Variants in PDE2A observed in about 807,000 individuals in gnomAD.
PDE2A encodes cGMP-dependent 3',5'-cyclic phosphodiesterase.
In PDE2A, 53 loss-of-function variants were observed where a neutral mutation model predicts 133.6. The ratio of observed to expected loss-of-function variants is 0.40; its 90% CI spans 0.32 to 0.50. The LOEUF (loss-of-function observed/expected upper bound fraction) is 0.50, where lower values mean the gene tolerates loss of function less well. Ranked by LOEUF, PDE2A falls within the 20% of genes least tolerant of loss-of-function variation. PDE2A has a pLI of 0.73. For synonymous variants in PDE2A, 491 were observed against 490.2 expected (o/e 1.00, Z -0.02); for missense variants, 796 against 1,232.4 (o/e 0.65, Z 5.30).
chr11:72,614,382 C>T (rs1158342574), intron 2 of PDE2A, among the ~76,000 whole-genome samples: 3 of 152,290 alleles, frequency 2.0e-5, no homozygotes, highest in South Asian at 2.1e-4. Flanking sequence ...AGACCCAGAA[C>T]GCAGCTGAAC....
In PDE2A at chr11:72,596,575, G is replaced by T. The variant is rs371545730; in HGVS notation, c.489+18C>A. 25 of 1,438,974 alleles carry T rather than the reference G, an allele frequency of 1.7e-5. No individual in the cohort carries two copies. The highest frequency in any genetic ancestry group is 2.0e-5 in the Non-Finnish European group (22 of 1,083,398). 89.1% of individuals were successfully genotyped at this position (1,438,974 alleles called of 1,614,324 possible). A position where few individuals can be genotyped will look rare whatever the true frequency, so the allele number is the denominator to read the frequency against. On this transcript the variant is annotated intron_variant, in intron 6 of 30. Coordinates refer to ENST00000334456, the MANE Select transcript of PDE2A (RefSeq NM_002599.5). The stretch of plus-strand genomic sequence containing the variant: ...TGGTCTCCTCTCCCTACATCCCACC[G>T]CCTAGGCAGGCTCTTACCAAGATGA...
rs1855587430 is a variant in PDE2A, at chr11:72,578,978, G to A, written c.2388C>T (p.His796=). 1 of 1,613,872 alleles carries A rather than the reference G, an allele frequency of 6.2e-7. No homozygotes were observed. Among genetic ancestry groups the A allele is most frequent in the African/African-American group, 1.3e-5 (1 of 75,036 alleles). ...TCATGAGGAGGCAGAGGAGAAGTCT[G>A]TGGTGCTGCTTGTTGTTTCGGTCGT... ...VGYDRNNKQH[H]RLLLCLLMTS... The change falls in exon 28 of 31, where the codon CAC becomes CAT. Residue 796 remains histidine, a synonymous_variant. Transcript: ENST00000334456. The surrounding 1 kb of genome is among the most constrained non-coding windows in gnomAD (Gnocchi z 4.2).
At chr11:72,636,284 T>C (rs1380573114) in intron 2 of PDE2A, among the ~76,000 whole-genome samples, 1 of 152,256 alleles carries the variant, frequency 6.6e-6, no homozygotes, top group Non-Finnish European at 1.5e-5. Context: ...CAATTTACAT[T>C]AGAACAATCA....
chr11:72,631,036 C>A, intron 2 of PDE2A: 2 of 1,398,688 alleles, frequency 1.4e-6, no homozygotes, highest in East Asian at 2.5e-5. Flanking sequence ...CTGCGCCCCA[C>A]CCCCTCAAGC....
intron 6 of PDE2A, 93 bp downstream of exon 6, chr11:72,596,500 A>ACG: frequency 3.9e-6 from 2 of 518,806 alleles, no homozygotes; most frequent in South Asian, 1.2e-4. Context: ...ACACACACAC[A>ACG]CACACACACA....
chr11:72,660,080 G>T (rs1407359585), intron 1 of PDE2A, among the ~76,000 whole-genome samples: 1 of 151,914 alleles, frequency 6.6e-6, no homozygotes, highest in Non-Finnish European at 1.5e-5. Context: ...CCCCTCAAAG[G>T]GACTGACTAC....
intron 1 of PDE2A, among the ~76,000 whole-genome samples, chr11:72,657,332 G>C (rs147400722): frequency 0.011 from 1,666 of 152,312 alleles, 16 homozygotes; most frequent in South Asian, 0.02. Context: ...AGAAGTGGGA[G>C]GAGGGGAAAG....
chr11:72,581,995 G>A (rs379638), intron 21 of PDE2A, 48 bp from the exon 22 acceptor site: 1,464,991 of 1,470,836 alleles, frequency 1, 729,738 homozygotes, highest in East Asian at 1. Context: ...GTATCAAGAC[G>A]GGGCCCTTGC....
chr11:72,666,865 G>A (rs1197094407), intron 1 of PDE2A, among the ~76,000 whole-genome samples: 2 of 152,186 alleles, frequency 1.3e-5, no homozygotes, highest in East Asian at 3.9e-4. Flanking sequence ...CAGTACTTTG[G>A]GAGGCCAAGG....
intron 4 of PDE2A, chr11:72,598,949 G>A (rs1184534367): frequency 8.1e-6 from 8 of 985,276 alleles, no homozygotes; most frequent in Non-Finnish European, 8.4e-6. Flanking sequence ...CCCCGGGAAG[G>A]AGAGGGACGT....
At chr11:72,661,409 G>A (rs1426233792) in intron 1 of PDE2A, among the ~76,000 whole-genome samples, 1 of 152,130 alleles carries the variant, frequency 6.6e-6, no homozygotes, top group Non-Finnish European at 1.5e-5. Context: ...CCTCTGTCCA[G>A]TTTTTTGGGG....
At chr11:72,632,391 G>A (rs2135419123) in intron 2 of PDE2A, among the ~76,000 whole-genome samples, 1 of 152,264 alleles carries the variant, frequency 6.6e-6, no homozygotes, top group South Asian at 2.1e-4. Flanking sequence ...GAGAGACTGG[G>A]TCTGTGTGTG....
At chr11:72,596,518 C>CACACACACACA in intron 6 of PDE2A, 75 bp downstream of exon 6, 1 of 533,022 alleles carries the variant, frequency 1.9e-6, no homozygotes, top group African/African-American at 2.5e-5. Context: ...ACACACACAC[C>CACACACACACA]CTGGACAGGC....
In PDE2A at chr11:72,635,976, T is replaced by C. The variant is rs111304469; in HGVS notation, c.144+6278A>G. Reference sequence around the variant, plus strand: ...CCACACCACGAGATCTCAGCCCCTCTTACCCTGAGCTCCCGAAACTCCCAT... The same window carrying C: ...CCACACCACGAGATCTCAGCCCCTCCTACCCTGAGCTCCCGAAACTCCCAT... On this transcript the variant is annotated intron_variant, in intron 2 of 30. Coordinates refer to ENST00000334456, the MANE Select transcript of PDE2A (RefSeq NM_002599.5). 26 of 1,229,208 alleles carry C rather than the reference T, an allele frequency of 2.1e-5. 1 individual carries two copies. In the African/African-American group the frequency reaches 2.4e-4, roughly 12 times the overall value. The allele number at this position is 1,229,208 out of a possible 1,614,324, so 76.1% of individuals were successfully genotyped here.
chr11:72,584,997 C>T, intron 16 of PDE2A, 53 bp from the exon 17 acceptor site: 1 of 1,542,976 alleles, frequency 6.5e-7, no homozygotes, highest in Non-Finnish European at 9.0e-7. Context: ...CTCTGATCGC[C>T]CTCACGTCCC....
intron 2 of PDE2A, among the ~76,000 whole-genome samples, chr11:72,616,116 C>T (rs3781932): frequency 0.14 from 21,680 of 152,116 alleles, 2,247 homozygotes; most frequent in East Asian, 0.44. Context: ...AGGAGGAGGA[C>T]GCTGAGTGTC....
intron 6 of PDE2A, among the ~76,000 whole-genome samples, chr11:72,595,937 T>C (rs1856460398): frequency 6.6e-6 from 1 of 152,142 alleles, no homozygotes; most frequent in Admixed American, 6.5e-5. Flanking sequence ...TCTGGGGCTC[T>C]GGCAGAGCAT....
chr11:72,636,492 T>C (rs1591112471), intron 2 of PDE2A, among the ~76,000 whole-genome samples: 1 of 152,122 alleles, frequency 6.6e-6, no homozygotes, highest in Non-Finnish European at 1.5e-5. Context: ...CGGCTTCAGG[T>C]CTCCCTTTAA....
chr11:72,588,566 A>T (rs1045076318), intron 13 of PDE2A, among the ~76,000 whole-genome samples: 2 of 152,230 alleles, frequency 1.3e-5, no homozygotes, highest in Non-Finnish European at 2.9e-5. Flanking sequence ...CAATACCCCA[A>T]GAGCAGATTA....
Sources: gnomAD v4.1 joint callset for allele counts (sites outside exome capture counted in the v4.1 genomes callset) on GRCh38, gnomAD v4.1.1 for gene constraint, Gnocchi (gnomAD v3.1) non-coding constraint, MANE v1.5 for transcripts, NCBI Gene and HGNC (gene_info 2026-07-23, HGNC 2026-07-21) for gene names.